The following PARVA variants were observed in gnomAD, a reference collection of about 807,000 sequenced individuals.
PARVA encodes the protein parvin alpha.
A neutral mutation model predicts 52.6 loss-of-function variants in PARVA; 25 were observed. The ratio of observed to expected loss-of-function variants is 0.48; its 90% confidence interval spans 0.35 to 0.66. The LOEUF (loss-of-function observed/expected upper bound fraction) is 0.66. PARVA is among the 30% of genes least tolerant of loss of function. The pLI, the probability that PARVA is intolerant of heterozygous loss-of-function variation, is 0.01. For synonymous variants in PARVA, 185 were observed against 179.1 expected (o/e 1.03, Z -0.26); for missense variants, 373 against 450.9 (o/e 0.83, Z 1.56).
chr11:12,481,428 AT>A (rs796260631), intron 4 of PARVA, among the ~76,000 whole-genome samples: 77 of 142,970 alleles, frequency 5.4e-4, no homozygotes, highest in Admixed American at 9.1e-4. Context: ...AGCTGCCCAT[AT>A]TTTTTTTTTT....
chr11:12,402,559 A>C (rs866092039), intron 1 of PARVA, among the ~76,000 whole-genome samples: 1 of 152,226 alleles, frequency 6.6e-6, no homozygotes, highest in Non-Finnish European at 1.5e-5. Context: ...ACTTAACCAC[A>C]TGGTGCCTAA....
At chr11:12,472,524 T>C (rs1208488329) in intron 1 of PARVA, among the ~76,000 whole-genome samples, 5 of 152,184 alleles carry the variant, frequency 3.3e-5, no homozygotes, top group African/African-American at 1.2e-4. Flanking sequence ...TTGTGTCTCT[T>C]AGGGCGTAGA....
At chr11:12,413,416 A>T (rs1375012313) in intron 1 of PARVA, among the ~76,000 whole-genome samples, 1 of 152,248 alleles carries the variant, frequency 6.6e-6, no homozygotes, top group African/African-American at 2.4e-5. Flanking sequence ...CATCATTAAT[A>T]ATAATGACAA....
intron 1 of PARVA, among the ~76,000 whole-genome samples, chr11:12,395,951 AAG>A (rs2134959531): frequency 6.6e-6 from 1 of 152,386 alleles, no homozygotes; most frequent in East Asian, 1.9e-4. Context: ...AAGGTTGAAA[AAG>A]AAAGATTATC....
At chr11:12,404,754 C>G (rs1420488290) in intron 1 of PARVA, among the ~76,000 whole-genome samples, 1 of 152,188 alleles carries the variant, frequency 6.6e-6, no homozygotes, top group African/African-American at 2.4e-5. Flanking sequence ...ATGCTTTGGA[C>G]ATGTGGCATA....
chr11:12,421,876 C>T (rs748365105), intron 1 of PARVA, among the ~76,000 whole-genome samples: 28 of 152,202 alleles, frequency 1.8e-4, no homozygotes, highest in Non-Finnish European at 3.2e-4. Context: ...AAACTAAGTT[C>T]TAGAAATATG....
chr11:12,489,465 C>T (rs774723955), intron 4 of PARVA, among the ~76,000 whole-genome samples: 4 of 151,722 alleles, frequency 2.6e-5, no homozygotes, highest in African/African-American at 7.3e-5. Context: ...GAATAGAAAA[C>T]GAGAAAGAGA....
chr11:12,490,002 G>T (rs1941212407), intron 4 of PARVA, among the ~76,000 whole-genome samples: 1 of 151,240 alleles, frequency 6.6e-6, no homozygotes, highest in African/African-American at 2.4e-5. Context: ...GGATCACAAG[G>T]TCAGGAGATC....
At chr11:12,438,743 C>T (rs985016333) in intron 1 of PARVA, among the ~76,000 whole-genome samples, 3 of 152,150 alleles carry the variant, frequency 2.0e-5, no homozygotes, top group Non-Finnish European at 4.4e-5. Context: ...TTATTGTTCC[C>T]ATTCATAGTT....
intron 1 of PARVA, among the ~76,000 whole-genome samples, chr11:12,445,727 G>C (rs934285722): frequency 1.3e-5 from 2 of 152,078 alleles, no homozygotes; most frequent in Non-Finnish European, 1.5e-5. Flanking sequence ...TGAAAAAAGC[G>C]GGACGTTTAA....
intron 1 of PARVA, among the ~76,000 whole-genome samples, chr11:12,411,125 ACAGT>A (rs767619384): frequency 6.6e-6 from 1 of 152,238 alleles, no homozygotes; most frequent in Non-Finnish European, 1.5e-5. Context: ...CTAACTTATA[ACAGT>A]TATAAAGCTT....
intron 1 of PARVA, among the ~76,000 whole-genome samples, chr11:12,450,187 A>G (rs1264063528): frequency 1.3e-5 from 2 of 152,210 alleles, no homozygotes; most frequent in Non-Finnish European, 2.9e-5. Context: ...TAAGAATAAT[A>G]GTAGTACCAG....
chr11:12,419,345 C>T (rs748740093), intron 1 of PARVA, among the ~76,000 whole-genome samples: 2 of 151,518 alleles, frequency 1.3e-5, no homozygotes, highest in Non-Finnish European at 2.9e-5. Flanking sequence ...ACTCTTGGTA[C>T]CTCCTATGAG....
intron 1 of PARVA, chr11:12,453,059 C>T (rs1479649868): frequency 8.8e-6 from 4 of 455,930 alleles, no homozygotes; most frequent in Admixed American, 4.7e-5. Context: ...CAAAGTTGAA[C>T]GTGCTGTGGT....
chr11:12,497,822 T>A (rs1941317167), intron 5 of PARVA, among the ~76,000 whole-genome samples: 1 of 152,074 alleles, frequency 6.6e-6, no homozygotes, highest in East Asian at 1.9e-4. Context: ...GTTTGGGAAA[T>A]GTATCTGCAT....
chr11:12,474,500 G>A (rs926580052), intron 3 of PARVA, among the ~76,000 whole-genome samples: 5 of 152,098 alleles, frequency 3.3e-5, no homozygotes, highest in Admixed American at 6.6e-5. Context: ...TCTCCCCTGC[G>A]TCTTATTCCC....
At chr11:12,517,303 A>ACCCCCCCCCCCCCCCCCCCCC (rs1564869136) in intron 10 of PARVA, among the ~76,000 whole-genome samples, 1 of 112,486 alleles carries the variant, frequency 8.9e-6, no homozygotes, top group Non-Finnish European at 1.8e-5. Flanking sequence ...AGCCACACTG[A>ACCCCCCCCCCCCCCCCCCCCC]CCACCCCCCA....
chr11:12,481,755 C>T (rs377190834), intron 4 of PARVA, among the ~76,000 whole-genome samples: 9 of 152,026 alleles, frequency 5.9e-5, no homozygotes, highest in East Asian at 5.8e-4. Context: ...GTTTGGGCAG[C>T]GAGCTGGAGG....
intron 1 of PARVA, among the ~76,000 whole-genome samples, chr11:12,381,850 A>G (rs569153528): frequency 2.6e-5 from 4 of 152,302 alleles, no homozygotes; most frequent in Non-Finnish European, 5.9e-5. Context: ...GTACACATCA[A>G]GCAATTCAAC....
Sources: gnomAD v4.1 joint callset for allele counts (sites outside exome capture counted in the v4.1 genomes callset) on GRCh38, gnomAD v4.1.1 for gene constraint, MANE v1.5 for transcripts, NCBI Gene and HGNC (gene_info 2026-07-23, HGNC 2026-07-21) for gene names.